Variants in ANP32E observed in about 807,000 individuals in gnomAD.
The protein encoded by ANP32E is acidic leucine-rich nuclear phosphoprotein 32 family member E.
Under a neutral mutation model 35.3 loss-of-function variants are expected in ANP32E, and 14 were observed. That is an observed-to-expected ratio of 0.40 (90% CI 0.26 to 0.62). ANP32E has a LOEUF of 0.62. Among genes scored for constraint, ANP32E ranks in the 20% least tolerant of loss-of-function variants. The pLI, the probability that ANP32E is intolerant of heterozygous loss-of-function variation, is 0.45. For synonymous variants in ANP32E, 89 were observed against 110.4 expected (o/e 0.81, Z 1.22); for missense variants, 198 against 304.4 (o/e 0.65, Z 2.60).
At position 150,223,147 on chromosome 1, in the gene ANP32E, C is replaced by T. The variant is rs1648570790; in HGVS notation, c.736+39G>A. 2.0e-6 allele frequency: 3 copies of T among 1,479,382 alleles called. No individual in the cohort carries two copies. The South Asian group carries it at 3.8e-5, about 19-fold the overall frequency. 91.6% of individuals were successfully genotyped at this position (1,479,382 alleles called of 1,614,324 possible). A position where few individuals can be genotyped will look rare whatever the true frequency, so the allele number is the denominator to read the frequency against. On this transcript the variant is annotated intron_variant, in intron 6 of 6. Coordinates refer to ENST00000583931, the MANE Select transcript of ANP32E (RefSeq NM_030920.5). ...AATAAAGTATAAAAAATGACTATGT[C>T]TTTAATTTTATAATTTGTTTATGGC...
At chr1:150,223,393 C>T in intron 5 of ANP32E, 153 bp from the exon 6 acceptor site, 1 of 1,074,828 alleles carries the variant, frequency 9.3e-7, no homozygotes, top group African/African-American at 1.6e-5. Context: ...TAAAACCTAA[C>T]TAAAGGGCCG....
In ANP32E at chr1:150,235,255, G is replaced by A. The variant is rs1029622261; in HGVS notation, c.54+478C>T. 1.4e-4 allele frequency among the ~76,000 whole-genome samples: 21 copies of A among 152,216 alleles called. No homozygotes were observed. Among genetic ancestry groups the A allele is most frequent in the Admixed American group, 1.4e-3 (21 of 15,282 alleles). ...GCCCGCGCCCGTCGCGACGTCGGAC[G>A]CCCAGGGCCTCGAGGCCGGGGAAGC... On this transcript the variant is annotated intron_variant, in intron 1 of 6. Transcript: ENST00000583931. This position sits in a 1 kb window ranked among gnomAD's most constrained non-coding sequence, Gnocchi z 4.2.
At chr1:150,229,681 T>C (rs1220337424) in intron 3 of ANP32E, among the ~76,000 whole-genome samples, 1 of 152,132 alleles carries the variant, frequency 6.6e-6, no homozygotes, top group African/African-American at 2.4e-5. Flanking sequence ...TTTCTCCACA[T>C]TGGTCAGGCT....
chr1:150,223,175 A>T lies in ANP32E; in HGVS notation c.736+11T>A. The T allele has an allele frequency of 6.6e-7, 1 of 1,503,960 alleles. No homozygotes were observed. Among genetic ancestry groups the T allele is most frequent in the Non-Finnish European group, 9.1e-7 (1 of 1,104,030 alleles). 93.2% of individuals were successfully genotyped at this position (1,503,960 alleles called of 1,614,324 possible). ...TAATTTTATAATTTGTTTATGGCTA[A>T]TGTAACTCACCCTCTTCTTCCTCTT... On this transcript the variant is annotated intron_variant, in intron 6 of 6. Coordinates refer to ENST00000583931, the MANE Select transcript of ANP32E (RefSeq NM_030920.5).
chr1:150,232,029 C>T, intron 1 of ANP32E, 103 bp from the exon 2 acceptor site: 2 of 1,198,452 alleles, frequency 1.7e-6, no homozygotes, highest in Non-Finnish European at 2.3e-6. Context: ...CCACCAATCT[C>T]CAGTTTGATT....
chr1:150,224,498 C>T (rs879978356), intron 5 of ANP32E, among the ~76,000 whole-genome samples: 1 of 151,654 alleles, frequency 6.6e-6, no homozygotes, highest in African/African-American at 2.4e-5. Context: ...CGCTTGCACT[C>T]AAGAGGCAGA....
At position 150,224,602 on chromosome 1, in the gene ANP32E, T is replaced by C. The variant is rs587762499; in HGVS notation, c.682-1362A>G. 4.5e-4 allele frequency among the ~76,000 whole-genome samples: 68 copies of C among 151,616 alleles called. 3 individuals carry two copies. The South Asian group carries it at 0.012, about 27-fold the overall frequency. ...AAAGAAAAAAAAAGAACACTTAAAG[T>C]TCTGTTCTTCATTATATATAGCTCC... On this transcript the variant is annotated intron_variant, in intron 5 of 6. Transcript: ENST00000583931.
In ANP32E at chr1:150,235,718, G is replaced by A. The variant is rs1553843153; in HGVS notation, c.54+15C>T. ...CTGGACTGATGGGGAAGCGGTGGGG[G>A]CTGAGTCATCTCACCTCCTCCGGGG... On this transcript the variant is annotated intron_variant, in intron 1 of 6. Transcript: ENST00000583931. The surrounding 1 kb of genome is among the most constrained non-coding windows in gnomAD (Gnocchi z 4.2). 6.2e-7 allele frequency: 1 copy of A among 1,613,562 alleles called. No homozygotes were observed. Among genetic ancestry groups the A allele is most frequent in the Non-Finnish European group, 8.5e-7 (1 of 1,179,784 alleles).
intron 3 of ANP32E, 61 bp from the exon 4 acceptor site, chr1:150,229,298 C>CTTT (rs368884324): frequency 0.079 from 33,826 of 425,566 alleles, 170 homozygotes; most frequent in East Asian, 0.095. Context: ...TTTCTTTTTT[C>CTTT]TTTTTTTTTT....
intron 5 of ANP32E, 80 bp downstream of exon 5, chr1:150,226,528 G>T (rs1648887074): frequency 2.0e-6 from 3 of 1,518,904 alleles, no homozygotes; most frequent in Admixed American, 2.2e-5. Flanking sequence ...CTCTCAGATT[G>T]CTACAAAACA....
Position 150,235,711 on chromosome 1 carries a change from G to A in ANP32E, c.54+22C>T. 1 of 1,613,480 alleles carries A rather than the reference G, an allele frequency of 6.2e-7. No homozygotes were observed. The highest frequency in any genetic ancestry group is 8.5e-7 in the Non-Finnish European group (1 of 1,179,734). On this transcript the variant is annotated intron_variant, in intron 1 of 6. Coordinates refer to ENST00000583931, the MANE Select transcript of ANP32E (RefSeq NM_030920.5). The surrounding 1 kb of genome is among the most constrained non-coding windows in gnomAD (Gnocchi z 4.2). ...CAGAATACTGGACTGATGGGGAAGC[G>A]GTGGGGGCTGAGTCATCTCACCTCC...
intron 6 of ANP32E, among the ~76,000 whole-genome samples, chr1:150,221,686 C>T (rs1334563175): frequency 6.6e-6 from 1 of 151,822 alleles, no homozygotes; most frequent in Non-Finnish European, 1.5e-5. Flanking sequence ...TGAAAACAGA[C>T]TTAACAGGCT....
chr1:150,221,645 C>A (rs1648419718), intron 6 of ANP32E, among the ~76,000 whole-genome samples: 1 of 88,828 alleles, frequency 1.1e-5, no homozygotes. Flanking sequence ...CTTCAAGTTT[C>A]CTCTCTGAAT....
chr1:150,234,491 G>A, intron 1 of ANP32E: 1 of 709,694 alleles, frequency 1.4e-6, no homozygotes, highest in Non-Finnish European at 1.7e-6. Flanking sequence ...GACAGACCCT[G>A]CTCATCCTCT....
chr1:150,227,034 T>G (rs2101775240), intron 4 of ANP32E, among the ~76,000 whole-genome samples: 1 of 152,278 alleles, frequency 6.6e-6, no homozygotes, highest in East Asian at 1.9e-4. Flanking sequence ...ATCTAGATTC[T>G]CATGAAAATA....
At chr1:150,228,207 C>G (rs1432224545) in intron 4 of ANP32E, among the ~76,000 whole-genome samples, 2 of 151,924 alleles carry the variant, frequency 1.3e-5, no homozygotes, top group Non-Finnish European at 2.9e-5. Flanking sequence ...CTCCCAGGTT[C>G]AAGCAATTCT....
At position 150,218,543 on chromosome 1, in the gene ANP32E, A is replaced by AT. The variant is rs1266721718; in HGVS notation, c.*2147dup. On this transcript the variant is annotated 3_prime_UTR_variant, in exon 7 of 7. Transcript: ENST00000583931. ...AAAAGAATAATCAGGAGTACTGCAA[A>AT]TTTTTTTGTTTGTTTTTAACACTGT... 6.5e-6 allele frequency: 1 copy of AT among 152,734 alleles called. No homozygotes were observed. The highest frequency in any genetic ancestry group is 1.9e-4 in the East Asian group (1 of 5,194). 9.5% of individuals were successfully genotyped at this position (152,734 alleles called of 1,614,324 possible).
intron 5 of ANP32E, 43 bp from the exon 6 acceptor site, chr1:150,223,283 T>G (rs958520303): frequency 2.6e-6 from 4 of 1,517,386 alleles, no homozygotes; most frequent in Non-Finnish European, 3.6e-6. Flanking sequence ...AAAATCCATA[T>G]GATTTTTCAC....
chr1:150,220,688 G>A lies in ANP32E; in HGVS notation c.*3C>T. On this transcript the variant is annotated 3_prime_UTR_variant, in exon 7 of 7. Transcript: ENST00000583931. Reference sequence around the variant, plus strand: ...ACATTAGAGAATCTGGTCTTAGAATGATCTAGTCATCTTCTTCCTCTCCAT... The same window carrying A: ...ACATTAGAGAATCTGGTCTTAGAATAATCTAGTCATCTTCTTCCTCTCCAT... 6.2e-7 allele frequency: 1 copy of A among 1,613,588 alleles called. No individual in the cohort carries two copies. Among genetic ancestry groups the A allele is most frequent in the Non-Finnish European group, 8.5e-7 (1 of 1,179,630 alleles).
Sources: allele counts gnomAD v4.1 joint callset (sites outside exome capture counted in the v4.1 genomes callset), GRCh38; gene constraint gnomAD v4.1.1; non-coding constraint Gnocchi (gnomAD v3.1); transcripts MANE v1.5; gene names NCBI Gene and HGNC (gene_info 2026-07-23, HGNC 2026-07-21).